The following FGF12 variants were observed in gnomAD, a reference collection of about 807,000 sequenced individuals.
FGF12 encodes fibroblast growth factor 12B.
In FGF12, 14 loss-of-function variants were observed where a neutral mutation model predicts 23.6. That is an observed-to-expected ratio of 0.59 (90% CI 0.39 to 0.93). The LOEUF (loss-of-function observed/expected upper bound fraction) is 0.93, where lower values mean the gene tolerates loss of function less well. Among genes scored for constraint, FGF12 ranks in the 40% least tolerant of loss-of-function variants. The pLI is 0.00. For synonymous variants in FGF12, 62 were observed against 77.3 expected, an observed-to-expected ratio of 0.80 and a Z score of 1.04; for missense variants, 175 against 217.8, an observed-to-expected ratio of 0.80 and a Z score of 1.24.
Position 192,640,793 on chromosome 3 carries a change from TTTTTTGTTTG to T in FGF12, c.13+86378_13+86387del, listed in dbSNP as rs894840011. ...TATAGGCTGAGAGTTAAAACCCCTT[TTTTTTGTTTG>T]TTTGTTTGTTTGTTTGTTTGTTTGT... On this transcript the variant is annotated intron_variant, in intron 2 of 5. Transcript: ENST00000445105. Among the ~76,000 whole-genome samples, 3 of 103,016 alleles carry T rather than the reference TTTTTTGTTTG, an allele frequency of 2.9e-5. No individual in the cohort carries two copies. In the South Asian group the frequency reaches 1.1e-3, roughly 38 times the overall value. 67.6% of individuals were successfully genotyped at this position (103,016 alleles called of 152,430 possible).
intron 4 of FGF12, among the ~76,000 whole-genome samples, chr3:192,299,976 T>A (rs976527462): frequency 1.3e-5 from 2 of 152,196 alleles, no homozygotes; most frequent in Non-Finnish European, 2.9e-5. Context: ...TATTTATGCA[T>A]TTTATTTTTC....
intron 4 of FGF12, among the ~76,000 whole-genome samples, chr3:192,332,838 T>C (rs1717194701): frequency 2.0e-5 from 3 of 152,106 alleles, no homozygotes; most frequent in African/African-American, 4.8e-5. Context: ...GCCTACGACA[T>C]AGAAAATTGC....
chr3:192,400,009 C>A (rs1720691480), intron 2 of FGF12, among the ~76,000 whole-genome samples: 1 of 152,134 alleles, frequency 6.6e-6, no homozygotes, highest in Admixed American at 6.5e-5. Context: ...CATAAAATGG[C>A]ATAGTATTTG....
intron 2 of FGF12, among the ~76,000 whole-genome samples, chr3:192,535,961 C>A (rs1213822110): frequency 6.6e-6 from 1 of 152,196 alleles, no homozygotes; most frequent in Admixed American, 6.5e-5. Flanking sequence ...TAACCACCCA[C>A]AAATGCTGTC....
At chr3:192,681,761 ATGCT>A (rs761296907) in intron 2 of FGF12, among the ~76,000 whole-genome samples, 85,925 of 151,556 alleles carry the variant, frequency 0.57, 25,116 homozygotes, top group East Asian at 0.82. Flanking sequence ...GCAATGATGT[ATGCT>A]CATCACCCAG....
rs1025848121 is a variant in FGF12, at chr3:192,294,439, G to A, written c.228+40922C>T. Among the ~76,000 whole-genome samples the A allele has an allele frequency of 3.3e-5, 5 of 152,178 alleles. No homozygotes were observed. In the East Asian group the frequency reaches 9.7e-4, roughly 29 times the overall value. On this transcript the variant is annotated intron_variant, in intron 4 of 5. Transcript: ENST00000445105. Reference sequence around the variant, plus strand: ...GGATTTCAACATATGAATGTAGGGGGGCACAAACATTCAGTCATAGCACTG... The same window carrying A: ...GGATTTCAACATATGAATGTAGGGGAGCACAAACATTCAGTCATAGCACTG...
chr3:192,397,591 T>A (rs1467518290), intron 2 of FGF12, among the ~76,000 whole-genome samples: 3 of 152,242 alleles, frequency 2.0e-5, no homozygotes, highest in Admixed American at 2.0e-4. Flanking sequence ...TTCCATAGAA[T>A]TTGAGATCCT....
chr3:192,720,368 C>A (rs961232353), intron 2 of FGF12, among the ~76,000 whole-genome samples: 1 of 152,222 alleles, frequency 6.6e-6, no homozygotes, highest in Admixed American at 6.5e-5. Flanking sequence ...GCCTAGGTGC[C>A]ATCAGCAGCA....
intron 2 of FGF12, among the ~76,000 whole-genome samples, chr3:192,670,255 AAT>A (rs927812964): frequency 5.3e-5 from 8 of 152,158 alleles, no homozygotes; most frequent in African/African-American, 1.7e-4. Flanking sequence ...TGTTTTCAAA[AAT>A]ATAGTTATTT....
intron 4 of FGF12, among the ~76,000 whole-genome samples, chr3:192,210,140 C>T (rs1435307353): frequency 6.6e-6 from 1 of 151,644 alleles, no homozygotes; most frequent in African/African-American, 2.4e-5. Context: ...GAGAAAAAAA[C>T]ATAGTGAGCA....
chr3:192,544,600 G>A (rs1725450633), intron 2 of FGF12, among the ~76,000 whole-genome samples: 1 of 152,266 alleles, frequency 6.6e-6, no homozygotes, highest in Non-Finnish European at 1.5e-5. Flanking sequence ...ATCCAAAAGA[G>A]CTATTTAACA....
intron 2 of FGF12, among the ~76,000 whole-genome samples, chr3:192,541,347 C>T (rs555494661): frequency 6.6e-6 from 1 of 152,122 alleles, no homozygotes; most frequent in South Asian, 2.1e-4. Context: ...TATCTTATAA[C>T]CCATTATTTT....
intron 4 of FGF12, among the ~76,000 whole-genome samples, chr3:192,313,318 T>C (rs1716056358): frequency 6.6e-6 from 1 of 152,208 alleles, no homozygotes; most frequent in Non-Finnish European, 1.5e-5. Flanking sequence ...GACAACCTGC[T>C]GATCCCTGGA....
intron 2 of FGF12, among the ~76,000 whole-genome samples, chr3:192,708,700 A>G (rs1718569489): frequency 6.6e-6 from 1 of 152,228 alleles, no homozygotes. Context: ...AAAGAAATCA[A>G]CACTACAGGA....
chr3:192,429,171 A>G (rs1286429226), intron 2 of FGF12, among the ~76,000 whole-genome samples: 2 of 151,354 alleles, frequency 1.3e-5, no homozygotes, highest in Admixed American at 6.6e-5. Context: ...AGGGAAGAGG[A>G]CAGCATCAAC....
At position 192,567,119 on chromosome 3, in the gene FGF12, G is replaced by A. The variant is rs114058211; in HGVS notation, c.13+160062C>T. Among the ~76,000 whole-genome samples the A allele has an allele frequency of 7.8e-3, 1,188 of 152,280 alleles. 5 individuals are homozygous for A. The highest frequency in any genetic ancestry group is 0.026 in the African/African-American group (1,092 of 41,554). ...GAAAAGGATCATGCTTTGTGTGGAG[G>A]ATAAAGATGGAAGTTTTACTCCAGG... On this transcript the variant is annotated intron_variant, in intron 2 of 5. Transcript: ENST00000445105.
chr3:192,518,164 C>T (rs1049405415), intron 2 of FGF12, among the ~76,000 whole-genome samples: 1 of 151,974 alleles, frequency 6.6e-6, no homozygotes, highest in Admixed American at 6.6e-5. Context: ...ATTATGTTAT[C>T]TGTCTGTAGT....
chr3:192,689,910 A>C (rs535727378), intron 2 of FGF12, among the ~76,000 whole-genome samples: 1 of 152,236 alleles, frequency 6.6e-6, no homozygotes, highest in East Asian at 1.9e-4. Context: ...GCAGGAAGAA[A>C]AAAAAAGCAA....
chr3:192,479,554 C>T (rs1277227190), intron 2 of FGF12, among the ~76,000 whole-genome samples: 1 of 152,144 alleles, frequency 6.6e-6, no homozygotes, highest in Non-Finnish European at 1.5e-5. Flanking sequence ...CTCCTATCTT[C>T]CTTAGCAAAC....
Sources: gnomAD v4.1 joint callset for allele counts (sites outside exome capture counted in the v4.1 genomes callset) on GRCh38, gnomAD v4.1.1 for gene constraint, MANE v1.5 for transcripts, NCBI Gene and HGNC (gene_info 2026-07-23, HGNC 2026-07-21) for gene names.